INTS7: variants seen among roughly 807,000 people sequenced by gnomAD.
The protein encoded by INTS7 is integrator complex subunit 7.
INTS7 carries 46 observed loss-of-function variants against 109.2 expected under a neutral mutation model. That is an observed-to-expected ratio of 0.42 (90% confidence interval 0.33 to 0.54). INTS7 has a LOEUF of 0.54. INTS7 is among the 20% of genes least tolerant of loss of function. INTS7 has a pLI of 0.07. For missense variants in INTS7, 929 were observed against 1,132.4 expected, an observed-to-expected ratio of 0.82 and a Z score of 2.58; for synonymous variants, 412 against 402.9, an observed-to-expected ratio of 1.02 and a Z score of -0.27.
chr1:212,034,877 C>G (rs781527580), intron 1 of INTS7, among the ~76,000 whole-genome samples: 2 of 152,202 alleles, frequency 1.3e-5, no homozygotes, highest in Non-Finnish European at 2.9e-5. Flanking sequence ...TTTTTATGGT[C>G]TTGGCCAGGT....
At chr1:212,034,316 A>G (rs1667318709) in intron 1 of INTS7, among the ~76,000 whole-genome samples, 1 of 152,140 alleles carries the variant, frequency 6.6e-6, no homozygotes. Flanking sequence ...TCTTATTTAG[A>G]CTAACCCACT....
At chr1:212,027,249 T>C (rs1666964818) in intron 1 of INTS7, among the ~76,000 whole-genome samples, 1 of 152,210 alleles carries the variant, frequency 6.6e-6, no homozygotes, top group African/African-American at 2.4e-5. Context: ...GTACTCATCT[T>C]GCTTGCTCTA....
intron 3 of INTS7, among the ~76,000 whole-genome samples, chr1:212,018,974 G>A (rs1287849337): frequency 1.3e-5 from 2 of 152,334 alleles, no homozygotes; most frequent in South Asian, 2.1e-4. Context: ...TCTGGGACAG[G>A]TGCAGTGGCT....
intron 1 of INTS7, among the ~76,000 whole-genome samples, chr1:212,023,876 C>CTTTGA (rs200718599): frequency 0.02 from 3,072 of 151,280 alleles, 32 homozygotes; most frequent in African/African-American, 0.027. Flanking sequence ...ATTTAATCCA[C>CTTTGA]CTTAATTTTT....
chr1:211,949,067 G>A (rs1662973070), intron 17 of INTS7, among the ~76,000 whole-genome samples: 2 of 152,168 alleles, frequency 1.3e-5, no homozygotes, highest in Admixed American at 6.5e-5. Flanking sequence ...TGACATTTCT[G>A]TGGCACCTGA....
chr1:212,024,260 G>A (rs999912108), intron 1 of INTS7, among the ~76,000 whole-genome samples: 12 of 152,056 alleles, frequency 7.9e-5, no homozygotes, highest in African/African-American at 2.9e-4. Context: ...GATGTTGATA[G>A]TTTGATAGTA....
Position 212,017,148 on chromosome 1 carries a change from T to TAATAAAGCA in INTS7, c.372-134_372-126dup, listed in dbSNP as rs1205080798. 6.5e-6 allele frequency: 4 copies of TAATAAAGCA among 614,492 alleles called. No homozygotes were observed. In the Admixed American group the frequency reaches 1.4e-4, roughly 21 times the overall value. The allele number at this position is 614,492 out of a possible 1,614,324, so 38.1% of individuals were successfully genotyped here. A position where few individuals can be genotyped will look rare whatever the true frequency, so the allele number is the denominator to read the frequency against. ...ATAGGTAATTCTATGTAACTCCAGT[T>TAATAAAGCA]AATAAAGCATAACTTTAGAAATCCA... On this transcript the variant is annotated intron_variant, in intron 3 of 19. Coordinates refer to ENST00000366994, the MANE Select transcript of INTS7 (RefSeq NM_015434.4).
intron 4 of INTS7, among the ~76,000 whole-genome samples, chr1:212,016,515 CA>C (rs970312848): frequency 1.1e-4 from 17 of 152,246 alleles, no homozygotes; most frequent in African/African-American, 3.4e-4. Context: ...AGCTCTAATG[CA>C]AAACAAATTA....
chr1:212,033,809 C>CCTTGAAAAACACATTTAAG (rs1667280186), intron 1 of INTS7, among the ~76,000 whole-genome samples: 3 of 152,024 alleles, frequency 2.0e-5, no homozygotes, highest in East Asian at 3.9e-4. Flanking sequence ...AGGCCGGGCG[C>CCTTGAAAAACACATTTAAG]GGTGGCTCAT....
intron 8 of INTS7, among the ~76,000 whole-genome samples, chr1:211,983,097 T>C (rs754890279): frequency 6.6e-6 from 1 of 152,168 alleles, no homozygotes; most frequent in Non-Finnish European, 1.5e-5. Flanking sequence ...CCAAAACAAC[T>C]ATCCTAAGAG....
chr1:212,012,731 GCTGTTTCT>G (rs2102476890), intron 4 of INTS7, among the ~76,000 whole-genome samples: 1 of 152,272 alleles, frequency 6.6e-6, no homozygotes, highest in Non-Finnish European at 1.5e-5. Context: ...GAAGAATCTT[GCTGTTTCT>G]CTTACTTGGT....
chr1:212,000,461 C>T (rs1315753725), intron 7 of INTS7, among the ~76,000 whole-genome samples: 3 of 152,106 alleles, frequency 2.0e-5, no homozygotes, highest in African/African-American at 7.2e-5. Context: ...AGAGAAACTT[C>T]CCAGTTCATT....
chr1:212,012,293 T>C (rs892548084), intron 4 of INTS7, among the ~76,000 whole-genome samples: 6 of 152,174 alleles, frequency 3.9e-5, no homozygotes, highest in African/African-American at 1.4e-4. Context: ...AGAACAGGAT[T>C]AAATAAATTC....
intron 17 of INTS7, among the ~76,000 whole-genome samples, chr1:211,951,250 G>T (rs1040598904): frequency 6.6e-6 from 1 of 152,128 alleles, no homozygotes; most frequent in African/African-American, 2.4e-5. Flanking sequence ...AACCCCCAAG[G>T]TAATGGCATT....
At chr1:212,014,465 C>CAAAAAAA (rs1165612101) in intron 4 of INTS7, among the ~76,000 whole-genome samples, 4 of 28,088 alleles carry the variant, frequency 1.4e-4, no homozygotes, top group Admixed American at 5.1e-4. Context: ...AACTCCATCT[C>CAAAAAAA]AAAAAAAAAA....
chr1:211,953,281 A>G (rs920328238), intron 16 of INTS7, among the ~76,000 whole-genome samples: 4 of 152,296 alleles, frequency 2.6e-5, no homozygotes, highest in Middle Eastern at 6.8e-3. Flanking sequence ...GCGTGCTGGG[A>G]TAAGTTTAAC....
chr1:211,988,728 A>C (rs1458999390), intron 7 of INTS7, among the ~76,000 whole-genome samples: 1 of 152,098 alleles, frequency 6.6e-6, no homozygotes, highest in African/African-American at 2.4e-5. Flanking sequence ...TGAAACCCCC[A>C]CCATATTTTG....
Position 211,986,052 on chromosome 1 carries a change from C to T in INTS7, c.997+1834G>A, listed in dbSNP as rs143203375. Reference sequence around the variant, plus strand: ...TCCAATTCCATGTGACTTGCTTTGGCCAATAAAGCATTGGAAAACAGGCTG... The same window carrying T: ...TCCAATTCCATGTGACTTGCTTTGGTCAATAAAGCATTGGAAAACAGGCTG... On this transcript the variant is annotated intron_variant, in intron 8 of 19. Coordinates refer to ENST00000366994, the MANE Select transcript of INTS7 (RefSeq NM_015434.4). Among the ~76,000 whole-genome samples the T allele has an allele frequency of 7.6e-3, 1,164 of 152,268 alleles. 14 individuals are homozygous for T. The highest frequency in any genetic ancestry group is 0.014 in the Non-Finnish European group (935 of 68,018).
chr1:211,962,991 A>T (rs1245801566), intron 16 of INTS7, among the ~76,000 whole-genome samples: 1 of 152,182 alleles, frequency 6.6e-6, no homozygotes, highest in Non-Finnish European at 1.5e-5. Context: ...ATCAACCCCA[A>T]AGCTAGAAGA....
Sources: gnomAD v4.1 joint callset for allele counts (sites outside exome capture counted in the v4.1 genomes callset) on GRCh38, gnomAD v4.1.1 for gene constraint, MANE v1.5 for transcripts, NCBI Gene and HGNC (gene_info 2026-07-23, HGNC 2026-07-21) for gene names.